The following GOLGA4 variants were observed in gnomAD, a reference collection of about 807,000 sequenced individuals.
The protein encoded by GOLGA4 is golgin A4, also known as golgin subfamily A member 4.
A neutral mutation model predicts 265.9 loss-of-function variants in GOLGA4; 169 were observed. That is an observed-to-expected ratio of 0.64 (90% CI 0.56 to 0.72). The LOEUF is 0.72. GOLGA4 is among the 30% of genes least tolerant of loss of function. The probability of loss-of-function intolerance (pLI) is 0.00; values close to 1 mark genes in which losing one functional copy is unlikely to be tolerated. For missense variants in GOLGA4, 2,482 were observed against 2,483.4 expected, an observed-to-expected ratio of 1.00 and a Z score of 0.01; for synonymous variants, 923 against 855.8, an observed-to-expected ratio of 1.08 and a Z score of -1.37.
intron 11 of GOLGA4, among the ~76,000 whole-genome samples, chr3:37,318,272 C>T (rs2096943566): frequency 6.6e-6 from 1 of 152,084 alleles, no homozygotes; most frequent in African/African-American, 2.4e-5. Flanking sequence ...GTCTTGAACT[C>T]CTGGGCTCAA....
intron 2 of GOLGA4, among the ~76,000 whole-genome samples, chr3:37,277,392 T>A (rs1268644472): frequency 6.6e-6 from 1 of 152,238 alleles, no homozygotes; most frequent in Non-Finnish European, 1.5e-5. Flanking sequence ...GATGAGAACT[T>A]CCCACTATTT....
chr3:37,283,801 A>G (rs1304201210), intron 3 of GOLGA4, among the ~76,000 whole-genome samples: 1 of 152,134 alleles, frequency 6.6e-6, no homozygotes, highest in East Asian at 1.9e-4. Context: ...GGCTGTTCTT[A>G]TAGGCATGAG....
chr3:37,353,394 G>T (rs570528765), intron 21 of GOLGA4, among the ~76,000 whole-genome samples: 3 of 152,050 alleles, frequency 2.0e-5, no homozygotes, highest in Non-Finnish European at 2.9e-5. Flanking sequence ...AAAGTGAAGC[G>T]CAATAGAATG....
intron 5 of GOLGA4, among the ~76,000 whole-genome samples, chr3:37,293,638 C>G (rs1322365230): frequency 1.3e-5 from 2 of 152,242 alleles, no homozygotes; most frequent in Admixed American, 1.3e-4. Flanking sequence ...CTCCGGCATT[C>G]TAAGGGAGAA....
At chr3:37,298,682 C>T in intron 7 of GOLGA4, 151 bp from the exon 8 acceptor site, 2 of 566,672 alleles carry the variant, frequency 3.5e-6, no homozygotes, top group Non-Finnish European at 6.3e-6. Context: ...TTAGTTCAGC[C>T]TACACCCAGG....
intron 1 of GOLGA4, chr3:37,245,386 C>T (rs543549958): frequency 1.3e-5 from 2 of 152,416 alleles, no homozygotes; most frequent in South Asian, 2.1e-4. Flanking sequence ...AGTATTAACA[C>T]AGAAGGATAT....
intron 16 of GOLGA4, among the ~76,000 whole-genome samples, chr3:37,329,665 A>G (rs577961871): frequency 4.6e-5 from 7 of 152,346 alleles, no homozygotes; most frequent in African/African-American, 1.4e-4. Flanking sequence ...TACTAATGCC[A>G]TGTTGCAATT....
At chr3:37,351,526 G>A (rs1282704481) in intron 21 of GOLGA4, among the ~76,000 whole-genome samples, 2 of 152,148 alleles carry the variant, frequency 1.3e-5, no homozygotes, top group Non-Finnish European at 2.9e-5. Flanking sequence ...CCACTGTCAT[G>A]AGAGGAATCA....
At chr3:37,339,927 G>C (rs920439074) in intron 19 of GOLGA4, among the ~76,000 whole-genome samples, 197 bp from the exon 20 acceptor site, 11 of 151,362 alleles carry the variant, frequency 7.3e-5, no homozygotes, top group African/African-American at 2.2e-4. Flanking sequence ...TGTTCTTTTG[G>C]TATCATATCT....
chr3:37,357,235 G>A (rs145759858), intron 22 of GOLGA4, among the ~76,000 whole-genome samples: 84 of 152,172 alleles, frequency 5.5e-4, no homozygotes, highest in African/African-American at 1.9e-3. Context: ...GACCTGCCCA[G>A]AAACAATGTT....
intron 2 of GOLGA4, among the ~76,000 whole-genome samples, chr3:37,281,544 A>T (rs962201213): frequency 1.3e-5 from 2 of 152,190 alleles, no homozygotes; most frequent in South Asian, 4.1e-4. Flanking sequence ...ATATACCTAC[A>T]TTTTAGACAC....
rs755048105 is a variant in GOLGA4 at position 37,325,326 on chromosome 3, T to C, written c.3440T>C (p.Leu1147Pro). The change falls in exon 14 of 24, where the codon CTG (leucine) becomes CCG (proline). Residue 1147 changes from leucine (L) to proline (P), a missense_variant. Transcript: ENST00000361924. Reference sequence around the variant, plus strand: ...CTAGAGGTTGACTTGAATAAGTCTCTGAAGGAAAATACTTTTCTTCAAGAG... The same window carrying C: ...CTAGAGGTTGACTTGAATAAGTCTCCGAAGGAAAATACTTTTCTTCAAGAG... ...EKLEVDLNKS[L>P]KENTFLQEQL... is the part of the protein sequence containing the mutation. 43 of 1,613,520 alleles carry C rather than the reference T, an allele frequency of 2.7e-5. No individual in the cohort carries two copies. Among genetic ancestry groups the C allele is most frequent in the Non-Finnish European group, 3.3e-5 (39 of 1,179,616 alleles).
At chr3:37,299,118 G>GA in intron 8 of GOLGA4, 98 bp downstream of exon 8, 1 of 1,110,330 alleles carries the variant, frequency 9.0e-7, no homozygotes, top group Non-Finnish European at 1.3e-6. Context: ...AGAGTGGATG[G>GA]AAAGGGCATT....
chr3:37,299,213 T>A (rs1301111842), intron 8 of GOLGA4, 75 bp from the exon 9 acceptor site: 1 of 1,039,950 alleles, frequency 9.6e-7, no homozygotes, highest in East Asian at 2.4e-5. Context: ...GTATATAAAT[T>A]AGATAAATGT....
chr3:37,317,149 T>C (rs1362028045), intron 11 of GOLGA4, among the ~76,000 whole-genome samples: 1 of 152,132 alleles, frequency 6.6e-6, no homozygotes, highest in Non-Finnish European at 1.5e-5. Context: ...GTTTTTGCTA[T>C]TGCAAGTTAT....
chr3:37,333,107 T>A (rs2096996597), intron 16 of GOLGA4, among the ~76,000 whole-genome samples: 1 of 152,192 alleles, frequency 6.6e-6, no homozygotes, highest in Non-Finnish European at 1.5e-5. Flanking sequence ...AGGGAAGAAT[T>A]CATTTGGGAG....
At chr3:37,361,773 A>T (rs1343403386) in intron 23 of GOLGA4, among the ~76,000 whole-genome samples, 1 of 152,234 alleles carries the variant, frequency 6.6e-6, no homozygotes, top group Admixed American at 6.5e-5. Flanking sequence ...AGTAAGATCA[A>T]TTTTAAAATA....
At chr3:37,253,347 GA>G (rs2096739398) in intron 2 of GOLGA4, among the ~76,000 whole-genome samples, 1 of 151,718 alleles carries the variant, frequency 6.6e-6, no homozygotes, top group Non-Finnish European at 1.5e-5. Flanking sequence ...AGGGTACAGG[GA>G]AATGATGAAA....
intron 22 of GOLGA4, 101 bp from the exon 23 acceptor site, chr3:37,361,142 A>C: frequency 2.2e-6 from 2 of 913,580 alleles, no homozygotes; most frequent in Non-Finnish European, 3.6e-6. Flanking sequence ...AAATTTAAGT[A>C]CAGTCTGTAA....
Sources: gnomAD v4.1 joint callset for allele counts (sites outside exome capture counted in the v4.1 genomes callset) on GRCh38, gnomAD v4.1.1 for gene constraint, MANE v1.5 for transcripts, NCBI Gene and HGNC (gene_info 2026-07-23, HGNC 2026-07-21) for gene names.